RASEF: variants seen among roughly 807,000 people sequenced by gnomAD.
RASEF encodes RAS and EF-hand domain containing, also known as ras and EF-hand domain-containing protein.
RASEF carries 68 observed loss-of-function variants against 90.1 expected under a neutral mutation model. That is an observed-to-expected ratio of 0.75 (90% CI 0.62 to 0.92). RASEF has a LOEUF of 0.92. RASEF is among the 40% of genes least tolerant of loss of function. RASEF has a pLI of 0.00. For missense variants in RASEF, 949 were observed against 937.2 expected, an observed-to-expected ratio of 1.01 and a Z score of -0.16; for synonymous variants, 331 against 345.2, an observed-to-expected ratio of 0.96 and a Z score of 0.46.
chr9:83,078,877 T>C, the RASEF span, among the ~76,000 whole-genome samples: 29 of 152,202 alleles, frequency 1.9e-4, no homozygotes, highest in Non-Finnish European at 3.8e-4. Context: ...TCATATCCTT[T>C]GCCCACTTTT....
At chr9:83,020,200 C>G (rs1829416279) in intron 3 of RASEF, among the ~76,000 whole-genome samples, 1 of 152,094 alleles carries the variant, frequency 6.6e-6, no homozygotes, top group South Asian at 2.1e-4. Flanking sequence ...GCTACAGGAG[C>G]AGGGCAGGGC....
chr9:83,172,651 A>C, the RASEF span, among the ~76,000 whole-genome samples: 1 of 151,912 alleles, frequency 6.6e-6, no homozygotes, highest in Admixed American at 6.6e-5. Flanking sequence ...AACTTTAAAA[A>C]TGTACACTAA....
chr9:83,008,235 G>C (rs779074594), intron 6 of RASEF, among the ~76,000 whole-genome samples: 1 of 152,114 alleles, frequency 6.6e-6, no homozygotes, highest in Non-Finnish European at 1.5e-5. Context: ...ACAATAACCT[G>C]TCCATCTGCT....
the RASEF span, among the ~76,000 whole-genome samples, chr9:83,219,003 A>G: frequency 2.0e-5 from 3 of 152,230 alleles, no homozygotes; most frequent in African/African-American, 7.2e-5. Context: ...ATCTGAAGAT[A>G]AAATGTTAAG....
chr9:83,039,515 T>C (rs756506106), intron 1 of RASEF, among the ~76,000 whole-genome samples: 8 of 152,088 alleles, frequency 5.3e-5, no homozygotes, highest in Admixed American at 1.3e-4. Flanking sequence ...AAGGCAACAG[T>C]GTGAAGGAGT....
chr9:83,096,627 C>CT, the RASEF span, among the ~76,000 whole-genome samples: 72 of 148,272 alleles, frequency 4.9e-4, no homozygotes, highest in South Asian at 1.3e-3. Context: ...GACTTGTTTT[C>CT]TTTTTTTTTT....
chr9:83,215,170 C>A, the RASEF span, among the ~76,000 whole-genome samples: 1 of 151,942 alleles, frequency 6.6e-6, no homozygotes, highest in Non-Finnish European at 1.5e-5. Context: ...TCTTCCCATT[C>A]CATCCCCTCC....
At chr9:83,164,373 A>ATATATATATATATATATATATG in the RASEF span, among the ~76,000 whole-genome samples, 36 of 141,950 alleles carry the variant, frequency 2.5e-4, no homozygotes, top group Admixed American at 4.3e-4. Context: ...ATATATATAT[A>ATATATATATATATATATATATG]TGTGTGTGTG....
chr9:83,133,561 C>T, the RASEF span, among the ~76,000 whole-genome samples: 1 of 152,080 alleles, frequency 6.6e-6, no homozygotes, highest in Admixed American at 6.6e-5. Context: ...AAATAAAATG[C>T]CACTCTGTTT....
At chr9:82,994,378 C>G (rs1356365777) in intron 14 of RASEF, among the ~76,000 whole-genome samples, 1 of 152,206 alleles carries the variant, frequency 6.6e-6, no homozygotes, top group Non-Finnish European at 1.5e-5. Context: ...AGGGCACCTC[C>G]TTCAAGTCTT....
At chr9:83,107,982 A>T in the RASEF span, among the ~76,000 whole-genome samples, 1 of 152,212 alleles carries the variant, frequency 6.6e-6, no homozygotes, top group Non-Finnish European at 1.5e-5. Flanking sequence ...TAAAAAGTAC[A>T]CACTGGTCTA....
intron 14 of RASEF, among the ~76,000 whole-genome samples, chr9:82,993,246 T>C (rs1281342804): frequency 6.6e-6 from 1 of 152,142 alleles, no homozygotes; most frequent in Admixed American, 6.6e-5. Context: ...AATAAGAAGG[T>C]ATAAGGGTCA....
intron 5 of RASEF, among the ~76,000 whole-genome samples, chr9:83,011,966 G>C (rs1235409014): frequency 1.3e-5 from 2 of 152,064 alleles, no homozygotes; most frequent in Non-Finnish European, 2.9e-5. Context: ...TTTCAAATTT[G>C]AGAGTTAATC....
Position 83,000,177 on chromosome 9 carries a change from G to A in RASEF, c.1715C>T (p.Ala572Val). 1 of 1,613,390 alleles carries A rather than the reference G, an allele frequency of 6.2e-7. No homozygotes were observed. Among genetic ancestry groups the A allele is most frequent in the Non-Finnish European group, 8.5e-7 (1 of 1,179,804 alleles). ...CKNEFRENIS[A>V]TLGVDFQMKT... The stretch of plus-strand genomic sequence containing the variant: ...CGAAATACGAGCCATACCCAGGGTG[G>A]CGCTTATATTTTCTCGAAATTCATT... Residue 572 changes from alanine (A) to valine (V), a missense_variant, in exon 12 of 17, where the codon GCC becomes GTC. Around this residue, in one of 3 missense-constraint regions of RASEF, gnomAD observed 288 missense variants for 328.4 expected, o/e 0.88. Coordinates refer to ENST00000376447, the MANE Select transcript of RASEF (RefSeq NM_152573.4).
At chr9:83,043,211 AAAT>A (rs1266144917) in intron 1 of RASEF, among the ~76,000 whole-genome samples, 1 of 152,256 alleles carries the variant, frequency 6.6e-6, no homozygotes, top group Admixed American at 6.5e-5. Context: ...TAAACTGGAT[AAAT>A]CAATTGCGGT....
the RASEF span, among the ~76,000 whole-genome samples, chr9:83,216,648 A>C: frequency 6.6e-6 from 1 of 152,186 alleles, no homozygotes; most frequent in African/African-American, 2.4e-5. Flanking sequence ...CGAAAGGGAA[A>C]TGTGGGGTTG....
the RASEF span, among the ~76,000 whole-genome samples, chr9:83,156,802 A>G: frequency 6.6e-6 from 1 of 152,254 alleles, no homozygotes; most frequent in African/African-American, 2.4e-5. Flanking sequence ...TAGTTTAATT[A>G]TGCTAAGTTG....
At chr9:83,128,249 G>A in the RASEF span, among the ~76,000 whole-genome samples, 9 of 151,972 alleles carry the variant, frequency 5.9e-5, no homozygotes, top group South Asian at 1.7e-3. Context: ...GCAGTCAAAC[G>A]CCTAGGCAGA....
At chr9:83,173,415 A>C in the RASEF span, among the ~76,000 whole-genome samples, 1 of 151,650 alleles carries the variant, frequency 6.6e-6, no homozygotes, top group South Asian at 2.1e-4. Flanking sequence ...TTGTAAATGT[A>C]CTTTATTCTT....
Sources: allele counts gnomAD v4.1 joint callset (sites outside exome capture counted in the v4.1 genomes callset), GRCh38; gene constraint gnomAD v4.1.1; regional missense constraint gnomAD v4.1.1; transcripts MANE v1.5; gene names NCBI Gene and HGNC (gene_info 2026-07-23, HGNC 2026-07-21).